PCSK6: variants seen among roughly 807,000 people sequenced by gnomAD.
PCSK6 encodes the protein proprotein convertase subtilisin/kexin type 6.
Under a neutral mutation model 123.3 loss-of-function variants are expected in PCSK6, and 85 were observed. The observed-to-expected ratio is 0.69, with a 90% CI of 0.58 to 0.83. PCSK6 has a LOEUF of 0.83. Ranked by LOEUF, PCSK6 falls within the 40% of genes least tolerant of loss-of-function variation. The pLI is 0.00. For synonymous variants in PCSK6, 508 were observed against 516.0 expected, an observed-to-expected ratio of 0.98 and a Z score of 0.21; for missense variants, 1,191 against 1,282.3, an observed-to-expected ratio of 0.93 and a Z score of 1.09.
chr15:101,474,894 T>C (rs1309926349), intron 1 of PCSK6, among the ~76,000 whole-genome samples: 1 of 152,224 alleles, frequency 6.6e-6, no homozygotes, highest in African/African-American at 2.4e-5. Context: ...GCACACCCTG[T>C]AAGTAGCCTC....
rs530306667 is a variant in PCSK6, at chr15:101,322,484, C to T, written c.2465+36G>A. On this transcript the variant is annotated intron_variant, in intron 18 of 21. Coordinates refer to ENST00000611716, the MANE Select transcript of PCSK6 (RefSeq NM_002570.5). ...CATAACACACTCCAAGCAGCGCCAC[C>T]GCCCTGACATTCCTCAGGTTTCGAG... 1.3e-5 allele frequency: 18 copies of T among 1,418,050 alleles called. No individual in the cohort carries two copies. In the East Asian group the frequency reaches 1.4e-4, roughly 11 times the overall value. The allele number at this position is 1,418,050 out of a possible 1,614,324, so 87.8% of individuals were successfully genotyped here.
intron 6 of PCSK6, among the ~76,000 whole-genome samples, chr15:101,426,005 C>T (rs780082009): frequency 3.3e-5 from 5 of 152,146 alleles, no homozygotes; most frequent in Non-Finnish European, 5.9e-5. Context: ...ACCCTGACTC[C>T]GTAGGCCTGG....
At position 101,393,328 on chromosome 15, in the gene PCSK6, A is replaced by G; in HGVS notation, c.1093T>C (p.Tyr365His). The change falls in exon 8 of 22, where the codon TAC (tyrosine) becomes CAC (histidine). Residue 365 changes from tyrosine to histidine, a missense_variant. Physicochemically the swap from Tyr to His is moderately conservative, Grantham distance 83. Around this residue, in one of 3 missense-constraint regions of PCSK6, gnomAD observed 357 missense variants for 484.5 expected, o/e 0.74. Transcript: ENST00000611716. Reference protein sequence around the residue: ...CSCDGYTNSIYTISVSSATEN... With the variant: ...CSCDGYTNSIHTISVSSATEN... ...GTGGCGCTGCTGACGGAGATGGTGT[A>G]GATGCTGTTGGTGTAGCCATCGCAC... 1 of 1,611,608 alleles carries G rather than the reference A, an allele frequency of 6.2e-7. No homozygotes were observed. Among genetic ancestry groups the G allele is most frequent in the East Asian group, 2.2e-5 (1 of 44,846 alleles).
intron 13 of PCSK6, among the ~76,000 whole-genome samples, chr15:101,353,662 A>G (rs1296726923): frequency 6.6e-6 from 1 of 152,204 alleles, no homozygotes; most frequent in Admixed American, 6.5e-5. Context: ...TTAAACAAAA[A>G]AATCCAACCA....
At chr15:101,457,750 G>A (rs2057226165) in intron 1 of PCSK6, among the ~76,000 whole-genome samples, 1 of 152,202 alleles carries the variant, frequency 6.6e-6, no homozygotes, top group Non-Finnish European at 1.5e-5. Flanking sequence ...CCCACACACA[G>A]GCAGCCCTGG....
intron 11 of PCSK6, among the ~76,000 whole-genome samples, chr15:101,379,830 C>T (rs563459471): frequency 2.0e-5 from 3 of 152,326 alleles, no homozygotes; most frequent in African/African-American, 7.2e-5. Context: ...GTGCAGATGA[C>T]CCCGACCTGC....
chr15:101,449,162 GCAT>G (rs1452563268), intron 1 of PCSK6, among the ~76,000 whole-genome samples: 4 of 152,210 alleles, frequency 2.6e-5, no homozygotes, highest in Non-Finnish European at 4.4e-5. Context: ...ATATAAAATG[GCAT>G]CATATTTGCA....
intron 13 of PCSK6, among the ~76,000 whole-genome samples, chr15:101,361,149 T>C (rs1347677807): frequency 6.7e-6 from 1 of 148,274 alleles, no homozygotes; most frequent in Non-Finnish European, 1.5e-5. Flanking sequence ...AATTTGCCTA[T>C]AGTTCTTTCT....
intron 1 of PCSK6, among the ~76,000 whole-genome samples, chr15:101,481,739 T>C (rs1319144037): frequency 1.3e-5 from 2 of 152,104 alleles, no homozygotes; most frequent in Non-Finnish European, 2.9e-5. Context: ...TCTCTTCTTG[T>C]AGACAGGGAC....
At chr15:101,482,813 C>T (rs117123853) in intron 1 of PCSK6, among the ~76,000 whole-genome samples, 5,333 of 152,170 alleles carry the variant, frequency 0.035, 134 homozygotes, top group Non-Finnish European at 0.05. Flanking sequence ...TCTGAGTCTG[C>T]CCCTGCACCT....
At chr15:101,431,191 T>C (rs978622727) in intron 4 of PCSK6, 129 bp downstream of exon 4, 11 of 906,488 alleles carry the variant, frequency 1.2e-5, no homozygotes, top group South Asian at 5.1e-5. Context: ...CTTTCCAGCA[T>C]AGTTTTCTTT....
At chr15:101,477,300 G>C (rs901291113) in intron 1 of PCSK6, among the ~76,000 whole-genome samples, 1 of 152,100 alleles carries the variant, frequency 6.6e-6, no homozygotes. Flanking sequence ...TACACAGGTT[G>C]AATATCCCTA....
chr15:101,445,675 A>T (rs2056870147), intron 1 of PCSK6, among the ~76,000 whole-genome samples: 1 of 152,204 alleles, frequency 6.6e-6, no homozygotes, highest in African/African-American at 2.4e-5. Flanking sequence ...TGTTTAATCA[A>T]CATGTTTGCT....
At chr15:101,450,659 C>G (rs77291891) in intron 1 of PCSK6, among the ~76,000 whole-genome samples, 60 of 152,320 alleles carry the variant, frequency 3.9e-4, no homozygotes, top group South Asian at 1.9e-3. Context: ...GGTCTCCCCC[C>G]ATCCCATCTG....
chr15:101,304,935 G>T lies in PCSK6; in HGVS notation c.*323C>A. 1 of 276,646 alleles carries T rather than the reference G, an allele frequency of 3.6e-6. No homozygotes were observed. Among genetic ancestry groups the T allele is most frequent in the Non-Finnish European group, 6.9e-6 (1 of 145,362 alleles). The allele number at this position is 276,646 out of a possible 1,614,324, so 17.1% of individuals were successfully genotyped here. ...GCCAAGCGCCTTTCTTTTCTGCTTTGGTCTTGAAGATTCAGTAAACTTATG... is the reference window on the plus strand; with the variant it reads ...GCCAAGCGCCTTTCTTTTCTGCTTTTGTCTTGAAGATTCAGTAAACTTATG... On this transcript the variant is annotated 3_prime_UTR_variant, in exon 22 of 22. Coordinates refer to ENST00000611716, the MANE Select transcript of PCSK6 (RefSeq NM_002570.5).
At chr15:101,344,583 G>A (rs149891462) in intron 13 of PCSK6, among the ~76,000 whole-genome samples, 128 of 152,306 alleles carry the variant, frequency 8.4e-4, no homozygotes, top group Non-Finnish European at 1.3e-3. Flanking sequence ...AAGGGAGTCT[G>A]TGGGGTGGAG....
rs2042285111 is a variant in PCSK6 at position 101,393,237 on chromosome 15, C to T, written c.1184G>A (p.Ser395Asn). ...CASTLATTYS[S>N]GAFYERKIVT... The stretch of plus-strand genomic sequence containing the variant: ...GATTTTTCGCTCATAAAAGGCCCCA[C>T]TGCTGTAGGTGGTGGCCAGGGTGGA... Residue 395 changes from serine to asparagine, a missense_variant, in exon 8 of 22, where the codon AGT becomes AAT. By Grantham distance (46) the Ser-to-Asn change is conservative. Transcript: ENST00000611716. 2 of 1,613,678 alleles carry T rather than the reference C, an allele frequency of 1.2e-6. No homozygotes were observed. Among genetic ancestry groups the T allele is most frequent in the Admixed American group, 1.7e-5 (1 of 59,960 alleles).
At chr15:101,488,986 A>C (rs1186500617) in intron 1 of PCSK6, among the ~76,000 whole-genome samples, 2 of 149,586 alleles carry the variant, frequency 1.3e-5, no homozygotes, top group African/African-American at 4.9e-5. Flanking sequence ...CCCAGGACCC[A>C]GCGGCGGACG....
At chr15:101,451,408 A>G (rs2057031544) in intron 1 of PCSK6, among the ~76,000 whole-genome samples, 1 of 152,048 alleles carries the variant, frequency 6.6e-6, no homozygotes, top group African/African-American at 2.4e-5. Flanking sequence ...CTAAGCGCAT[A>G]CTTTGGTAAG....
Sources: gnomAD v4.1 joint callset for allele counts (sites outside exome capture counted in the v4.1 genomes callset) on GRCh38, gnomAD v4.1.1 for gene constraint, gnomAD v4.1.1 regional missense constraint, MANE v1.5 for transcripts, NCBI Gene and HGNC (gene_info 2026-07-23, HGNC 2026-07-21) for gene names.